CRYBG1: variants seen among roughly 807,000 people sequenced by gnomAD.
CRYBG1 encodes crystallin beta-gamma domain containing 1.
CRYBG1 carries 139 observed loss-of-function variants against 189.2 expected under a neutral mutation model. The ratio of observed to expected loss-of-function variants is 0.73; its 90% CI spans 0.64 to 0.85. The LOEUF (loss-of-function observed/expected upper bound fraction) is 0.85, where lower values mean the gene tolerates loss of function less well. CRYBG1 is among the 40% of genes least tolerant of loss of function. The probability of loss-of-function intolerance (pLI) is 0.00; values close to 1 mark genes in which losing one functional copy is unlikely to be tolerated. For missense variants in CRYBG1, 2,611 were observed against 2,675.8 expected (o/e 0.98, Z 0.53); for synonymous variants, 1,023 against 1,017.1 (o/e 1.01, Z -0.11).
chr6:106,549,741 G>C (rs9386564), intron 13 of CRYBG1, among the ~76,000 whole-genome samples: 2 of 152,196 alleles, frequency 1.3e-5, no homozygotes, highest in South Asian at 2.1e-4. Flanking sequence ...TGAGTGCACA[G>C]ATGTTGGCTG....
intron 20 of CRYBG1, among the ~76,000 whole-genome samples, chr6:106,562,132 C>CAA (rs1311586233): frequency 6.6e-6 from 1 of 150,598 alleles, no homozygotes; most frequent in Non-Finnish European, 1.5e-5. Context: ...CAAAACAAAA[C>CAA]AAAAAACCAA....
At chr6:106,502,676 T>C (rs1773034672) in intron 2 of CRYBG1, among the ~76,000 whole-genome samples, 1 of 152,118 alleles carries the variant, frequency 6.6e-6, no homozygotes, top group Non-Finnish European at 1.5e-5. Context: ...CTGGGGTACT[T>C]GTTAGTCATA....
chr6:106,367,776 A>C (rs1441832714), intron 1 of CRYBG1, among the ~76,000 whole-genome samples: 1 of 144,314 alleles, frequency 6.9e-6, no homozygotes, highest in Non-Finnish European at 1.5e-5. Flanking sequence ...CAGCCTAGGC[A>C]ACAAACTCAG....
intron 1 of CRYBG1, among the ~76,000 whole-genome samples, chr6:106,383,704 CAT>C (rs1196630572): frequency 1.3e-5 from 2 of 152,356 alleles, no homozygotes; most frequent in South Asian, 2.1e-4. Context: ...ATATGTCACA[CAT>C]GTTTTTCCTC....
intron 21 of CRYBG1, among the ~76,000 whole-genome samples, chr6:106,564,719 G>T (rs1276105319): frequency 6.6e-6 from 1 of 152,148 alleles, no homozygotes; most frequent in Admixed American, 6.5e-5. Context: ...ACATAAGAAT[G>T]ACCTAACCTC....
chr6:106,558,968 A>T (rs1029117641), intron 18 of CRYBG1, among the ~76,000 whole-genome samples: 10 of 142,410 alleles, frequency 7.0e-5, no homozygotes, highest in African/African-American at 1.1e-4. Context: ...ATCTTAATTT[A>T]AAAAAAAAAA....
intron 2 of CRYBG1, among the ~76,000 whole-genome samples, chr6:106,475,598 G>C (rs576933223): frequency 6.6e-6 from 1 of 152,242 alleles, no homozygotes; most frequent in East Asian, 1.9e-4. Flanking sequence ...TAGAGTGGAC[G>C]GTCTGTGCGG....
At chr6:106,403,377 G>A (rs1047065118) in intron 1 of CRYBG1, among the ~76,000 whole-genome samples, 2 of 152,134 alleles carry the variant, frequency 1.3e-5, no homozygotes, top group African/African-American at 4.8e-5. Flanking sequence ...CTGGAACACA[G>A]AGAGCAAGGG....
chr6:106,441,594 A>T (rs879827), intron 1 of CRYBG1, among the ~76,000 whole-genome samples: 60,984 of 152,104 alleles, frequency 0.4, 13,061 homozygotes, highest in South Asian at 0.51. Flanking sequence ...GAACTAATTC[A>T]TTAGGTATTT....
intron 1 of CRYBG1, among the ~76,000 whole-genome samples, chr6:106,396,408 T>C (rs941354964): frequency 1.3e-5 from 2 of 152,202 alleles, no homozygotes; most frequent in African/African-American, 2.4e-5. Context: ...ATCATCTATA[T>C]GTATGACTTC....
intron 1 of CRYBG1, among the ~76,000 whole-genome samples, chr6:106,449,167 A>G (rs1484185161): frequency 3.9e-5 from 6 of 152,214 alleles, no homozygotes; most frequent in African/African-American, 1.4e-4. Flanking sequence ...TTAATTATGT[A>G]ATACGTAAGT....
intron 2 of CRYBG1, among the ~76,000 whole-genome samples, chr6:106,510,095 C>T (rs1460154888): frequency 6.6e-6 from 1 of 152,196 alleles, no homozygotes; most frequent in Non-Finnish European, 1.5e-5. Context: ...TGTTCCTTTT[C>T]CAGGAAAGGT....
intron 12 of CRYBG1, 34 bp from the exon 13 acceptor site, chr6:106,544,754 T>C: frequency 6.2e-7 from 1 of 1,605,900 alleles, no homozygotes; most frequent in South Asian, 1.1e-5. Context: ...AATAAATGGC[T>C]AGCCTTTGAA....
At chr6:106,362,730 C>G (rs1771903734) in intron 1 of CRYBG1, among the ~76,000 whole-genome samples, 1 of 152,152 alleles carries the variant, frequency 6.6e-6, no homozygotes, top group Admixed American at 6.5e-5. Flanking sequence ...ATTACCTATT[C>G]AAACGTTTAC....
chr6:106,430,406 G>GA (rs1026734959), intron 1 of CRYBG1, among the ~76,000 whole-genome samples: 4 of 150,856 alleles, frequency 2.7e-5, no homozygotes, highest in African/African-American at 7.3e-5. Context: ...GTCTCAAACA[G>GA]AAAAAAAAAG....
chr6:106,474,585 G>A (rs937355922), intron 2 of CRYBG1, among the ~76,000 whole-genome samples: 2 of 152,172 alleles, frequency 1.3e-5, no homozygotes, highest in African/African-American at 4.8e-5. Flanking sequence ...ACGCAAGAGT[G>A]TCTTCGCTTT....
Position 106,571,919 on chromosome 6 carries a change from G to C in CRYBG1, c.*3353G>C, listed in dbSNP as rs1775073858. On this transcript the variant is annotated 3_prime_UTR_variant, in exon 22 of 22. Coordinates refer to ENST00000633556, the MANE Select transcript of CRYBG1 (RefSeq NM_001371242.2). ...TCTAATCTGGAAAAATGTTTGAAAG[G>C]GATGGCTAGAAAAAAATTTGGGCTC... 2.3e-6 allele frequency: 2 copies of C among 885,586 alleles called. No homozygotes were observed. The highest frequency in any genetic ancestry group is 3.9e-5 in the Admixed American group (2 of 51,354). The allele number at this position is 885,586 out of a possible 1,614,324, so 54.9% of individuals were successfully genotyped here.
At chr6:106,525,836 A>G (rs1459338072) in intron 6 of CRYBG1, among the ~76,000 whole-genome samples, 3 of 152,138 alleles carry the variant, frequency 2.0e-5, no homozygotes, top group Non-Finnish European at 4.4e-5. Flanking sequence ...AAAAAAATCT[A>G]TAAGGTAAAA....
At chr6:106,392,987 C>T (rs915034283) in intron 1 of CRYBG1, among the ~76,000 whole-genome samples, 1 of 152,144 alleles carries the variant, frequency 6.6e-6, no homozygotes, top group African/African-American at 2.4e-5. Flanking sequence ...GTTGGCCAGG[C>T]AGGTCTCGAA....
Sources: allele counts gnomAD v4.1 joint callset (sites outside exome capture counted in the v4.1 genomes callset), GRCh38; gene constraint gnomAD v4.1.1; transcripts MANE v1.5; gene names NCBI Gene and HGNC (gene_info 2026-07-23, HGNC 2026-07-21).